The following PAQR3 variants were observed in gnomAD, a reference collection of about 807,000 sequenced individuals.
The protein encoded by PAQR3 is Raf kinase trapping to Golgi.
Under a neutral mutation model 41.7 loss-of-function variants are expected in PAQR3, and 39 were observed. The observed-to-expected ratio is 0.93, with a 90% CI of 0.72 to 1.22. The LOEUF is 1.22. Among genes scored for constraint, PAQR3 ranks in the 50% most tolerant of loss-of-function variants. The pLI, the probability that PAQR3 is intolerant of heterozygous loss-of-function variation, is 0.00. For synonymous variants in PAQR3, 140 were observed against 140.6 expected, an observed-to-expected ratio of 1.00 and a Z score of 0.03; for missense variants, 366 against 385.6, an observed-to-expected ratio of 0.95 and a Z score of 0.42.
downstream of PAQR3, among the ~76,000 whole-genome samples, chr4:78,908,565 T>C (rs1274069719): frequency 6.6e-6 from 1 of 152,208 alleles, no homozygotes; most frequent in East Asian, 1.9e-4. Context: ...TCTCTCTGCA[T>C]ACCAACTGCA....
Position 78,926,735 on chromosome 4 carries a change from TCA to T in PAQR3, c.505-19_505-18del. ...ACGCCAGTACTAGAATGAAAGGAAA[TCA>T]CATTTTAATTCTGTTATTAACAATA... On this transcript the variant is annotated intron_variant, in intron 3 of 5. Coordinates refer to ENST00000512733, the MANE Select transcript of PAQR3 (RefSeq NM_001040202.2). 1.2e-6 allele frequency: 2 copies of T among 1,605,584 alleles called. No homozygotes were observed. The highest frequency in any genetic ancestry group is 2.2e-5 in the South Asian group (2 of 90,754).
intron 3 of PAQR3, among the ~76,000 whole-genome samples, chr4:78,929,341 A>G (rs972805396): frequency 2.6e-5 from 4 of 152,264 alleles, no homozygotes; most frequent in African/African-American, 9.6e-5. Context: ...AAACAGGAAG[A>G]AAACAAAGTA....
At chr4:78,897,413 G>A (rs1733759068) in intron 11 of PAQR3, among the ~76,000 whole-genome samples, 1 of 151,942 alleles carries the variant, frequency 6.6e-6, no homozygotes, top group Non-Finnish European at 1.5e-5. Context: ...AGATTATGTA[G>A]CAATGTACAA....
At position 78,918,370 on chromosome 4, in the gene PAQR3, CAGTA is replaced by C; in HGVS notation, c.*2165_*2168del. 1 of 978,636 alleles carries C rather than the reference CAGTA, an allele frequency of 1.0e-6. No individual in the cohort carries two copies. Among genetic ancestry groups the C allele is most frequent in the Non-Finnish European group, 1.2e-6 (1 of 823,462 alleles). The allele number at this position is 978,636 out of a possible 1,614,324, so 60.6% of individuals were successfully genotyped here. ...AATTTTACCAGTAGTGCTGTGCACA[CAGTA>C]GGTGGTCATTAAATGCTGACTGACA... On this transcript the variant is annotated 3_prime_UTR_variant, in exon 6 of 6. Transcript: ENST00000512733.
Position 78,923,869 on chromosome 4 carries a change from G to T in PAQR3, c.781C>A (p.Arg261=). The T allele has an allele frequency of 6.2e-7, 1 of 1,608,850 alleles. No individual in the cohort carries two copies. Among genetic ancestry groups the T allele is most frequent in the Non-Finnish European group, 8.5e-7 (1 of 1,175,434 alleles). ...FLFYISKVPE[R]YFPGQLNYLG... is the part of the protein sequence containing the mutation. ...AAGAGATACCTACCTGGAAAGTACC[G>T]CTCTGGGACTTTGGAAATGTAGAAT... The change falls in exon 5 of 6, where the codon CGG becomes AGG. Residue 261 remains arginine (R), a synonymous_variant. Coordinates refer to ENST00000512733, the MANE Select transcript of PAQR3 (RefSeq NM_001040202.2).
Position 78,939,198 on chromosome 4 carries a change from C to A in PAQR3, c.27G>T (p.Ala9=), listed in dbSNP as rs372904339. MHQKLLKS[A]HYIELGSYQY... ...GGTAGCTGCCCAGCTCGATGTAATGCGCGCTCTTCAGCAGCTTCTGATGCA... is the reference window on the plus strand; with the variant it reads ...GGTAGCTGCCCAGCTCGATGTAATGAGCGCTCTTCAGCAGCTTCTGATGCA... The change falls in exon 1 of 6, where the codon GCG becomes GCT. Residue 9 remains alanine (A), a synonymous_variant. Coordinates refer to ENST00000512733, the MANE Select transcript of PAQR3 (RefSeq NM_001040202.2). The A allele has an allele frequency of 1.9e-6, 3 of 1,608,994 alleles. No individual in the cohort carries two copies. Among genetic ancestry groups the A allele is most frequent in the Non-Finnish European group, 2.5e-6 (3 of 1,177,924 alleles).
At chr4:78,887,242 C>T (rs1182002864) in exon 13 of PAQR3, 2 of 1,611,602 alleles carry the variant, frequency 1.2e-6, no homozygotes, top group East Asian at 2.2e-5. Context: ...TAACCATCCT[C>T]CAGAAGATCC....
intron 11 of PAQR3, among the ~76,000 whole-genome samples, chr4:78,892,998 A>G (rs1246086706): frequency 6.6e-6 from 1 of 152,206 alleles, no homozygotes; most frequent in African/African-American, 2.4e-5. Flanking sequence ...TAAGTTTGCA[A>G]AATCAGTGGA....
In PAQR3 at chr4:78,935,205, T is replaced by C. The variant is rs1737301308; in HGVS notation, c.264A>G (p.Ile88Met). 6.2e-7 allele frequency: 1 copy of C among 1,613,824 alleles called. No homozygotes were observed. Among genetic ancestry groups the C allele is most frequent in the Non-Finnish European group, 8.5e-7 (1 of 1,179,752 alleles). Reference protein sequence around the residue: ...LGFFLFFTLGIYDMTSVLPSA... With the variant: ...LGFFLFFTLGMYDMTSVLPSA... ...AAGGTAACACAGATGTCATGTCATA[T>C]ATTCCCAGGGTGAAGAAGAGAAAGA... The change falls in exon 2 of 6, where the codon ATA (isoleucine) becomes ATG (methionine). Residue 88 changes from isoleucine (I) to methionine (M), a missense_variant. Transcript: ENST00000512733.
At chr4:78,932,281 G>C (rs951150978) in intron 2 of PAQR3, among the ~76,000 whole-genome samples, 1 of 152,074 alleles carries the variant, frequency 6.6e-6, no homozygotes, top group African/African-American at 2.4e-5. Flanking sequence ...TTCTAAGTTA[G>C]TTATTTAAAC....
At chr4:78,938,680 G>C (rs1422643821) in intron 1 of PAQR3, among the ~76,000 whole-genome samples, 2 of 151,984 alleles carry the variant, frequency 1.3e-5, no homozygotes, top group Non-Finnish European at 2.9e-5. Flanking sequence ...AATTCCCACA[G>C]TGTTGCTCTA....
At chr4:78,936,991 T>C (rs1737495567) in intron 1 of PAQR3, among the ~76,000 whole-genome samples, 1 of 152,206 alleles carries the variant, frequency 6.6e-6, no homozygotes, top group South Asian at 2.1e-4. Context: ...ATAAAGAATC[T>C]ACTCTTACTG....
chr4:78,933,432 T>C (rs1333499019), intron 2 of PAQR3, among the ~76,000 whole-genome samples: 2 of 77,800 alleles, frequency 2.6e-5, no homozygotes, highest in East Asian at 7.4e-4. Context: ...TACAGAAGCA[T>C]AGGAGTGAGA....
chr4:78,922,021 C>T lies in PAQR3; in HGVS notation c.794-1340G>A. On this transcript the variant is annotated intron_variant, in intron 5 of 5. Coordinates refer to ENST00000512733, the MANE Select transcript of PAQR3 (RefSeq NM_001040202.2). ...TCTGAATATTTTAAGGCCTAAAACC[C>T]ACTATGGTCATAATCACATAGAGAA... 6.9e-6 allele frequency: 7 copies of T among 1,011,274 alleles called. No homozygotes were observed. In the South Asian group the frequency reaches 2.1e-4, roughly 30 times the overall value. 62.6% of individuals were successfully genotyped at this position (1,011,274 alleles called of 1,614,324 possible). A position where few individuals can be genotyped will look rare whatever the true frequency, so the allele number is the denominator to read the frequency against.
intron 1 of PAQR3, among the ~76,000 whole-genome samples, chr4:78,937,121 G>C (rs1331225964): frequency 1.3e-5 from 2 of 152,130 alleles, no homozygotes; most frequent in Admixed American, 6.5e-5. Context: ...TTCCAAGCAC[G>C]GCCAACCCTT....
chr4:78,901,520 TTTA>T lies in PAQR3; in HGVS notation c.*836+4585_*836+4587del, dbSNP rs553047861. Among the ~76,000 whole-genome samples, 163 of 152,340 alleles carry T rather than the reference TTTA, an allele frequency of 1.1e-3. 1 individual carries two copies. Among genetic ancestry groups the T allele is most frequent in the Admixed American group, 2.2e-3 (34 of 15,296 alleles). On this transcript the variant is annotated intron_variant and NMD_transcript_variant, in intron 11 of 12. Coordinates refer to the PAQR3 transcript ENST00000342820. ...TGAGGATTTCCACTACCAGTATCTG[TTTA>T]AGATGGTGCCATTCCTATTTTCACT...
intron 11 of PAQR3, among the ~76,000 whole-genome samples, chr4:78,891,256 TTTC>T (rs1733420342): frequency 6.6e-6 from 1 of 151,994 alleles, no homozygotes. Flanking sequence ...CTGTGGTAGG[TTTC>T]TTCTTCTTCC....
Position 78,918,262 on chromosome 4 carries a change from AAAATAACTT to A in PAQR3, c.*2268_*2276del. 1.1e-6 allele frequency: 1 copy of A among 934,440 alleles called. No individual in the cohort carries two copies. Among genetic ancestry groups the A allele is most frequent in the Non-Finnish European group, 1.3e-6 (1 of 783,796 alleles). 57.9% of individuals were successfully genotyped at this position (934,440 alleles called of 1,614,324 possible). A position where few individuals can be genotyped will look rare whatever the true frequency, so the allele number is the denominator to read the frequency against. On this transcript the variant is annotated 3_prime_UTR_variant, in exon 6 of 6. Transcript: ENST00000512733. ...AATCTTACTTTAATCTATAAAAACA[AAAATAACTT>A]AAATATACATCATTACAAGGCTCAG... is the stretch of plus-strand genomic sequence containing the variant.
At chr4:78,906,846 A>G (rs1734311588) in intron 10 of PAQR3, among the ~76,000 whole-genome samples, 1 of 152,182 alleles carries the variant, frequency 6.6e-6, no homozygotes, top group African/African-American at 2.4e-5. Context: ...TTTCTTCACA[A>G]TAGCTCTATG....
Sources: gnomAD v4.1 joint callset for allele counts (sites outside exome capture counted in the v4.1 genomes callset) on GRCh38, gnomAD v4.1.1 for gene constraint, MANE v1.5 for transcripts, NCBI Gene and HGNC (gene_info 2026-07-23, HGNC 2026-07-21) for gene names.